The following CTR9 variants were observed in gnomAD, a reference collection of about 807,000 sequenced individuals.
CTR9 encodes the protein CTR9 component of Paf1/RNA polymerase II complex, also known as RNA polymerase-associated protein CTR9 homolog.
A neutral mutation model predicts 152.1 loss-of-function variants in CTR9; 41 were observed. The ratio of observed to expected loss-of-function variants is 0.27; its 90% confidence interval spans 0.21 to 0.35. CTR9 has a LOEUF of 0.35. CTR9 is among the 10% of genes least tolerant of loss of function. CTR9 has a pLI of 1.00. For missense variants in CTR9, 917 were observed against 1,424.4 expected (o/e 0.64, Z 5.73); for synonymous variants, 476 against 496.2 (o/e 0.96, Z 0.54).
chr11:10,752,209 T>C (rs1432465961), intron 1 of CTR9, among the ~76,000 whole-genome samples: 1 of 152,264 alleles, frequency 6.6e-6, no homozygotes, highest in Non-Finnish European at 1.5e-5. Flanking sequence ...TTATTATTTT[T>C]GTGCTTACAG....
In CTR9 at chr11:10,766,383, C is replaced by T. The variant is rs1265674699; in HGVS notation, c.1598-19C>T. ...ATAGCTAATATTTGGGATATAAAAACTTTTAAATATGTTTTCAGGCTATTT... is the reference window on the plus strand; with the variant it reads ...ATAGCTAATATTTGGGATATAAAAATTTTTAAATATGTTTTCAGGCTATTT... On this transcript the variant is annotated intron_variant, in intron 12 of 24. Coordinates refer to ENST00000361367, the MANE Select transcript of CTR9 (RefSeq NM_014633.5). The T allele has an allele frequency of 1.3e-6, 2 of 1,578,456 alleles. No homozygotes were observed. The highest frequency in any genetic ancestry group is 2.7e-5 in the African/African-American group (2 of 73,280).
Position 10,767,619 on chromosome 11 carries a change from GC to G in CTR9, c.1687-186del. On this transcript the variant is annotated intron_variant, in intron 13 of 24. Coordinates refer to ENST00000361367, the MANE Select transcript of CTR9 (RefSeq NM_014633.5). The surrounding 1 kb of genome is among the most constrained non-coding windows in gnomAD (Gnocchi z 4.0). ...AAGTGGTGCAATTTTGTATAACTTA[GC>G]TTTAGCATTAGTAGTTCGATAAATT... The G allele has an allele frequency of 1.7e-6, 1 of 600,768 alleles. No homozygotes were observed. The highest frequency in any genetic ancestry group is 2.9e-6 in the Non-Finnish European group (1 of 339,914). 37.2% of individuals were successfully genotyped at this position (600,768 alleles called of 1,614,324 possible). A position where few individuals can be genotyped will look rare whatever the true frequency, so the allele number is the denominator to read the frequency against.
chr11:10,751,676 G>A (rs1808800635), intron 1 of CTR9, among the ~76,000 whole-genome samples: 1 of 152,174 alleles, frequency 6.6e-6, no homozygotes, highest in African/African-American at 2.4e-5. Context: ...CGGAGAAGGA[G>A]TTCTTGAAAG....
At position 10,773,154 on chromosome 11, in the gene CTR9, G is replaced by C; in HGVS notation, c.2608G>C (p.Glu870Gln). ...AGAGAAACGTCTCAGAGAAAAGGAA[G>C]AGCAAAAGAAACTTTTGGAACAGCG... The part of the protein sequence containing the change: ...QEEKRLREKE[E>Q]QKKLLEQRAQ... Residue 870 changes from glutamate to glutamine, a missense_variant, in exon 21 of 25, where the codon GAG becomes CAG. Physicochemically the swap from Glu to Gln is conservative, Grantham distance 29. Around this residue, in one of 9 missense-constraint regions of CTR9, gnomAD observed 384 missense variants for 398.4 expected, o/e 0.96. Transcript: ENST00000361367. 6.2e-7 allele frequency: 1 copy of C among 1,608,102 alleles called. No individual in the cohort carries two copies. The highest frequency in any genetic ancestry group is 8.5e-7 in the Non-Finnish European group (1 of 1,178,786).
In CTR9 at chr11:10,779,062, C is replaced by A; in HGVS notation, c.3479C>A (p.Ala1160Asp). ...GAACCAGAGGGATCCAACAATGAGG[C>A]CTCAGATAGAGGCTCAGAACATGGG... ...ESEPEGSNNEASDRGSEHGSD... is the reference protein window; with the variant it reads ...ESEPEGSNNEDSDRGSEHGSD... Residue 1160 changes from alanine to aspartate, a missense_variant, in exon 25 of 25, where the codon GCC (alanine) becomes GAC (aspartate). Physicochemically the swap from Ala to Asp is moderately radical, Grantham distance 126. Transcript: ENST00000361367. 6.2e-7 allele frequency: 1 copy of A among 1,614,080 alleles called. No individual in the cohort carries two copies. Among genetic ancestry groups the A allele is most frequent in the Non-Finnish European group, 8.5e-7 (1 of 1,180,012 alleles).
rs373561741 is a variant in CTR9, at chr11:10,771,606, A to G, written c.2434A>G (p.Thr812Ala). 6 of 1,611,098 alleles carry G rather than the reference A, an allele frequency of 3.7e-6. No homozygotes were observed. The highest frequency in any genetic ancestry group is 1.3e-5 in the African/African-American group (1 of 74,958). Reference protein sequence around the residue: ...KMRFDLALAATEARQCSDLLS... With the variant: ...KMRFDLALAAAEARQCSDLLS... ...GAGATTTGATTTGGCCCTTGCTGCT[A>G]CAGAAGCCAGGTAATGTTACTATTT... The change falls in exon 19 of 25, where the codon ACA becomes GCA. Residue 812 changes from threonine to alanine, a missense_variant. Around this residue, in one of 9 missense-constraint regions of CTR9, gnomAD observed 106 missense variants for 157.8 expected, o/e 0.67. Transcript: ENST00000361367.
chr11:10,779,201 A>G lies in CTR9; in HGVS notation c.*96A>G. ...TTTCAGATGTTTAGTCAATTGTGAA[A>G]TTTTTCTTAAGGCAATTTTCTTTTC... On this transcript the variant is annotated 3_prime_UTR_variant, in exon 25 of 25. Coordinates refer to ENST00000361367, the MANE Select transcript of CTR9 (RefSeq NM_014633.5). 1.5e-6 allele frequency: 2 copies of G among 1,322,640 alleles called. No homozygotes were observed. Among genetic ancestry groups the G allele is most frequent in the Non-Finnish European group, 2.0e-6 (2 of 987,814 alleles). The allele number at this position is 1,322,640 out of a possible 1,614,324, so 81.9% of individuals were successfully genotyped here.
chr11:10,773,966 T>C, intron 21 of CTR9, 46 bp from the exon 22 acceptor site: 2 of 1,421,298 alleles, frequency 1.4e-6, no homozygotes, highest in Non-Finnish European at 1.9e-6. Context: ...CTAACCACAT[T>C]CCACCAACCA....
rs1862954517 is a variant in CTR9, at chr11:10,760,197, A to G, written c.617A>G (p.His206Arg). Reference sequence around the variant, plus strand: ...GCGGAAGTTCGTTTAGGAATGGGTCATTGCTTTGTGAAACTTAACAAACTG... The same window carrying G: ...GCGGAAGTTCGTTTAGGAATGGGTCGTTGCTTTGTGAAACTTAACAAACTG... ...CPAEVRLGMG[H>R]CFVKLNKLEK... The change falls in exon 6 of 25, where the codon CAT becomes CGT. Residue 206 changes from histidine to arginine, a missense_variant. Coordinates refer to ENST00000361367, the MANE Select transcript of CTR9 (RefSeq NM_014633.5). 1.2e-6 allele frequency: 2 copies of G among 1,614,118 alleles called. No homozygotes were observed. Among genetic ancestry groups the G allele is most frequent in the Non-Finnish European group, 1.7e-6 (2 of 1,179,946 alleles).
At chr11:10,772,987 A>G in intron 20 of CTR9, 140 bp from the exon 21 acceptor site, 2 of 955,122 alleles carry the variant, frequency 2.1e-6, no homozygotes, top group Non-Finnish European at 3.1e-6. Context: ...AGATTGCACC[A>G]CTGTACTCCA....
At chr11:10,759,009 A>G (rs1210961586) in intron 5 of CTR9, among the ~76,000 whole-genome samples, 2 of 152,194 alleles carry the variant, frequency 1.3e-5, no homozygotes, top group Non-Finnish European at 2.9e-5. Flanking sequence ...TCTATACTTA[A>G]TCATATTTTC....
intron 22 of CTR9, 182 bp downstream of exon 22, chr11:10,774,351 G>T: frequency 1.7e-6 from 1 of 589,300 alleles, no homozygotes; most frequent in Non-Finnish European, 2.8e-6. Flanking sequence ...TGAGTACCTG[G>T]GATTTCCATA....
At chr11:10,762,124 T>G in intron 7 of CTR9, 70 bp downstream of exon 7, 7 of 980,514 alleles carry the variant, frequency 7.1e-6, no homozygotes, top group Non-Finnish European at 1.1e-5. Flanking sequence ...TATTTCTTTT[T>G]TAAACTTGGA....
At chr11:10,751,809 T>G (rs1451539451) in intron 1 of CTR9, among the ~76,000 whole-genome samples, 1 of 152,156 alleles carries the variant, frequency 6.6e-6, no homozygotes, top group African/African-American at 2.4e-5. Flanking sequence ...AGGTGGGCGC[T>G]GATGTTTCCG....
At chr11:10,772,910 C>A in intron 20 of CTR9, among the ~76,000 whole-genome samples, 1 of 151,926 alleles carries the variant, frequency 6.6e-6, no homozygotes. Flanking sequence ...ACCTGTAATC[C>A]CAGCTACTCG....
At chr11:10,757,825 C>G (rs1037854438) in intron 5 of CTR9, among the ~76,000 whole-genome samples, 1 of 151,802 alleles carries the variant, frequency 6.6e-6, no homozygotes, top group African/African-American at 2.4e-5. Flanking sequence ...CAGTAAGAGC[C>G]AAGGAGAAGA....
chr11:10,767,041 A>C lies in CTR9; in HGVS notation c.1686+551A>C, dbSNP rs1239424770. On this transcript the variant is annotated intron_variant, in intron 13 of 24. Coordinates refer to ENST00000361367, the MANE Select transcript of CTR9 (RefSeq NM_014633.5). The surrounding 1 kb of genome is among the most constrained non-coding windows in gnomAD (Gnocchi z 4.0). ...TACACTGATATTTTTACTTTATTCCATTCTGTTGCATTTACTATGCAGATA... is the reference window on the plus strand; with the variant it reads ...TACACTGATATTTTTACTTTATTCCCTTCTGTTGCATTTACTATGCAGATA... The C allele has an allele frequency of 6.6e-6, 1 of 152,632 alleles. No individual in the cohort carries two copies. Among genetic ancestry groups the C allele is most frequent in the Non-Finnish European group, 1.5e-5 (1 of 68,274 alleles). 9.5% of individuals were successfully genotyped at this position (152,632 alleles called of 1,614,324 possible).
Position 10,764,373 on chromosome 11 carries a change from TC to T in CTR9, c.1352del (p.Pro451GlnfsTer17). 1 of 1,614,120 alleles carries T rather than the reference TC, an allele frequency of 6.2e-7. No individual in the cohort carries two copies. The highest frequency in any genetic ancestry group is 8.5e-7 in the Non-Finnish European group (1 of 1,179,982). ...AGGAGAAAGTGCAGGCCGATGTTCC[TC>T]CAGAGATTCTCAATAATGTGGGTGC... Reference protein sequence around the residue: ...LQEKVQADVPPEILNNVGALH... With the variant: ...LQEKVQADVPXEILNNVGALH... On this transcript the variant is annotated frameshift_variant, in exon 11 of 25. Coordinates refer to ENST00000361367, the MANE Select transcript of CTR9 (RefSeq NM_014633.5). LOFTEE classifies it high-confidence loss of function.
chr11:10,779,260 A>G lies in CTR9; in HGVS notation c.*155A>G, dbSNP rs1490626374. 6 of 694,356 alleles carry G rather than the reference A, an allele frequency of 8.6e-6. No individual in the cohort carries two copies. The Admixed American group carries it at 1.8e-4, about 21-fold the overall frequency. The allele number at this position is 694,356 out of a possible 1,614,324, so 43.0% of individuals were successfully genotyped here. On this transcript the variant is annotated 3_prime_UTR_variant, in exon 25 of 25. Coordinates refer to ENST00000361367, the MANE Select transcript of CTR9 (RefSeq NM_014633.5). ...TGTATATTACTAAGCCCCAAGAGAC[A>G]TTTCCTGTGCTAGAGTCCAATATTT...
Sources: allele counts gnomAD v4.1 joint callset (sites outside exome capture counted in the v4.1 genomes callset), GRCh38; gene constraint gnomAD v4.1.1; regional missense constraint gnomAD v4.1.1; non-coding constraint Gnocchi (gnomAD v3.1); transcripts MANE v1.5; gene names NCBI Gene and HGNC (gene_info 2026-07-23, HGNC 2026-07-21).